Variants in FBXL13 observed in about 807,000 individuals in gnomAD.
FBXL13 encodes F-box and leucine-rich repeat protein 13.
A neutral mutation model predicts 83.6 loss-of-function variants in FBXL13; 67 were observed. The observed-to-expected ratio is 0.80, with a 90% CI of 0.66 to 0.98. The LOEUF is 0.98. FBXL13 is among the 50% of genes least tolerant of loss of function. The pLI is 0.00. For missense variants in FBXL13, 822 were observed against 866.5 expected, an observed-to-expected ratio of 0.95 and a Z score of 0.64; for synonymous variants, 272 against 299.5, an observed-to-expected ratio of 0.91 and a Z score of 0.95.
At position 102,947,634 on chromosome 7, in the gene FBXL13, G is replaced by A. The variant is rs146696592; in HGVS notation, c.725-15701C>T. ...AATTTCTTACTTTATAGTTACTCTT[G>A]TAACTTGCCTTTGGATGTCTCTTTT... On this transcript the variant is annotated intron_variant, in intron 8 of 19. Transcript: ENST00000313221. 3.7e-3 allele frequency among the ~76,000 whole-genome samples: 567 copies of A among 152,154 alleles called. 5 individuals are homozygous for A. Among genetic ancestry groups the A allele is most frequent in the African/African-American group, 0.013 (560 of 41,516 alleles).
chr7:103,025,143 G>A lies in FBXL13; in HGVS notation c.415C>T (p.Arg139Ter), dbSNP rs142888806. 9 of 1,611,890 alleles carry A rather than the reference G, an allele frequency of 5.6e-6. No individual in the cohort carries two copies. The highest frequency in any genetic ancestry group is 2.2e-5 in the East Asian group (1 of 44,774). The change falls in exon 6 of 20, where the codon CGA (arginine) becomes TGA (stop). Residue 139 changes from arginine (R) to a stop codon, truncating the protein, a stop_gained. Coordinates refer to ENST00000313221, the Ensembl canonical transcript of FBXL13. LOFTEE classifies it high-confidence loss of function. ...ACAAGAAAGACTTCAGAAGAACTTC[G>A]TTCAGGAAAATTGGATTCTTCTGCA...
At chr7:102,973,004 T>C (rs1381698481) in intron 6 of FBXL13, 2 of 154,062 alleles carry the variant, frequency 1.3e-5, no homozygotes, top group African/African-American at 2.4e-5. Context: ...AATGATTAAA[T>C]CAGGTTAATA....
At chr7:102,919,169 A>G (rs1406955951) in intron 10 of FBXL13, among the ~76,000 whole-genome samples, 6 of 152,240 alleles carry the variant, frequency 3.9e-5, no homozygotes, top group African/African-American at 1.4e-4. Context: ...TATTTACACC[A>G]CAGAAATCAG....
At chr7:103,006,342 G>A (rs968928717) in intron 6 of FBXL13, among the ~76,000 whole-genome samples, 1 of 152,130 alleles carries the variant, frequency 6.6e-6, no homozygotes, top group Non-Finnish European at 1.5e-5. Flanking sequence ...CCATGAAGCT[G>A]AACAAAAAAT....
In FBXL13 at chr7:102,848,505, G is replaced by A. The variant is rs1342267001; in HGVS notation, c.1719+6272C>T. Among the ~76,000 whole-genome samples the A allele has an allele frequency of 2.3e-4, 9 of 39,384 alleles. 2 individuals are homozygous for A. The highest frequency in any genetic ancestry group is 1.5e-4 in the Non-Finnish European group (4 of 26,148). 25.8% of individuals were successfully genotyped at this position (39,384 alleles called of 152,430 possible). On this transcript the variant is annotated intron_variant, in intron 17 of 19. Coordinates refer to ENST00000313221, the Ensembl canonical transcript of FBXL13. ...CAAGAGGCGGAGCTTGCAGTGAGCC[G>A]AGATTGCGCCACTGCACTCCAGCCT...
intron 8 of FBXL13, among the ~76,000 whole-genome samples, chr7:102,955,114 T>G (rs1226131135): frequency 6.6e-6 from 1 of 152,158 alleles, no homozygotes; most frequent in Admixed American, 6.6e-5. Context: ...ACATCGCACT[T>G]ATTCTAAAAT....
intron 10 of FBXL13, among the ~76,000 whole-genome samples, chr7:102,924,503 T>C (rs1817678320): frequency 1.3e-5 from 2 of 152,118 alleles, no homozygotes; most frequent in African/African-American, 4.8e-5. Context: ...TTTATAGATT[T>C]GACTAAAAAT....
intron 10 of FBXL13, among the ~76,000 whole-genome samples, chr7:102,921,120 C>T (rs1286271814): frequency 6.6e-6 from 1 of 152,150 alleles, no homozygotes; most frequent in Admixed American, 6.6e-5. Context: ...TCATTGCACT[C>T]CAGCCTGGGC....
intron 17 of FBXL13, among the ~76,000 whole-genome samples, chr7:102,853,692 C>T (rs1805603093): frequency 6.6e-6 from 1 of 152,092 alleles, no homozygotes; most frequent in African/African-American, 2.4e-5. Flanking sequence ...CAAACAACCC[C>T]ATCAAAAAGT....
Position 103,055,077 on chromosome 7 carries a change from C to G in FBXL13, c.-1+567G>C. The G allele has an allele frequency of 2.4e-6, 3 of 1,252,500 alleles. No individual in the cohort carries two copies. The highest frequency in any genetic ancestry group is 3.1e-6 in the Non-Finnish European group (3 of 958,738). The allele number at this position is 1,252,500 out of a possible 1,614,324, so 77.6% of individuals were successfully genotyped here. On this transcript the variant is annotated intron_variant, in intron 2 of 19. Transcript: ENST00000313221. ...ATATATATTTGCGTATTCTTGATTA[C>G]TAATAATTACCAGCTGATCATCCAA...
At position 102,898,267 on chromosome 7, in the gene FBXL13, A is replaced by G. The variant is rs550149788; in HGVS notation, c.1009-13955T>C. Among the ~76,000 whole-genome samples the G allele has an allele frequency of 6.6e-5, 10 of 152,296 alleles. 1 individual carries two copies. Among genetic ancestry groups the G allele is most frequent in the Admixed American group, 2.0e-4 (3 of 15,284 alleles). ...TATATATAAATACACAAACATATAT[A>G]TATCAAACAAAAATGTCTGCTGTGT... On this transcript the variant is annotated intron_variant, in intron 11 of 19. Transcript: ENST00000313221.
chr7:102,994,664 C>T lies in FBXL13; in HGVS notation c.496-26547G>A, dbSNP rs1444526095. Among the ~76,000 whole-genome samples the T allele has an allele frequency of 2.0e-5, 3 of 152,196 alleles. No homozygotes were observed. The East Asian group carries it at 5.8e-4, about 29-fold the overall frequency. On this transcript the variant is annotated intron_variant, in intron 6 of 19. Coordinates refer to ENST00000313221, the Ensembl canonical transcript of FBXL13. Reference sequence around the variant, plus strand: ...GGGTTTCGCTTTTATAGTTAAAATTCCCACCCAGCTTTCCACTCAGGTCCT... The same window carrying T: ...GGGTTTCGCTTTTATAGTTAAAATTTCCACCCAGCTTTCCACTCAGGTCCT...
intron 6 of FBXL13, among the ~76,000 whole-genome samples, chr7:103,014,055 G>A (rs1407402090): frequency 6.6e-6 from 1 of 152,088 alleles, no homozygotes; most frequent in Non-Finnish European, 1.5e-5. Flanking sequence ...ATAAATTCCT[G>A]GAAACATACA....
chr7:103,060,020 T>TTA (rs772728840), intron 1 of FBXL13, among the ~76,000 whole-genome samples: 7,203 of 48,884 alleles, frequency 0.15, 882 homozygotes, highest in Non-Finnish European at 0.18. Context: ...GCAAGATATT[T>TTA]TATATATATA....
chr7:102,821,501 G>C lies in FBXL13; in HGVS notation c.2018+539C>G, dbSNP rs560905627. On this transcript the variant is annotated intron_variant, in intron 19 of 19. Coordinates refer to ENST00000313221, the Ensembl canonical transcript of FBXL13. The stretch of plus-strand genomic sequence containing the variant: ...GTTCCTCTGTGAAATCTACATGCTT[G>C]AGCCACATTGTACACTTTATACTTT... Among the ~76,000 whole-genome samples the C allele has an allele frequency of 8.5e-4, 130 of 152,296 alleles. 3 individuals are homozygous for C. In the South Asian group the frequency reaches 0.025, roughly 29 times the overall value.
intron 11 of FBXL13, among the ~76,000 whole-genome samples, chr7:102,899,423 T>C (rs78907588): frequency 0.025 from 3,837 of 152,290 alleles, 159 homozygotes; most frequent in East Asian, 0.16. Flanking sequence ...GTAGGCTTCT[T>C]TGTGAAGATT....
chr7:102,923,526 G>C (rs1283939384), intron 10 of FBXL13, among the ~76,000 whole-genome samples: 6 of 152,240 alleles, frequency 3.9e-5, no homozygotes, highest in Admixed American at 2.0e-4. Flanking sequence ...TTTCTTGCCT[G>C]TATAAGAATT....
At chr7:102,970,519 T>C (rs977350090) in intron 6 of FBXL13, among the ~76,000 whole-genome samples, 3 of 152,158 alleles carry the variant, frequency 2.0e-5, no homozygotes, top group African/African-American at 7.2e-5. Context: ...TCTGGGACAT[T>C]TGGCAGAAAT....
At chr7:103,063,981 T>C (rs1042873197) in intron 1 of FBXL13, among the ~76,000 whole-genome samples, 4 of 152,220 alleles carry the variant, frequency 2.6e-5, no homozygotes, top group Admixed American at 6.5e-5. Flanking sequence ...TAGATGAAGC[T>C]TCAGTGTGGG....
Sources: gnomAD v4.1 joint callset for allele counts (sites outside exome capture counted in the v4.1 genomes callset) on GRCh38, gnomAD v4.1.1 for gene constraint, MANE v1.5 for transcripts, NCBI Gene and HGNC (gene_info 2026-07-23, HGNC 2026-07-21) for gene names.